Variants in CACNG3 observed in about 807,000 individuals in gnomAD.
CACNG3 encodes the protein voltage-dependent calcium channel gamma-3 subunit.
A neutral mutation model predicts 28.5 loss-of-function variants in CACNG3; 3 were observed. That is an observed-to-expected ratio of 0.11 (90% CI 0.05 to 0.27). The LOEUF (loss-of-function observed/expected upper bound fraction) is 0.27. Ranked by LOEUF, CACNG3 falls within the 10% of genes least tolerant of loss-of-function variation. The probability of loss-of-function intolerance (pLI) is 1.00; values close to 1 mark genes in which losing one functional copy is unlikely to be tolerated. For synonymous variants in CACNG3, 174 were observed against 162.2 expected, an observed-to-expected ratio of 1.07 and a Z score of -0.55; for missense variants, 236 against 414.4, an observed-to-expected ratio of 0.57 and a Z score of 3.74.
In CACNG3 at chr16:24,274,591, C is replaced by G. The variant is rs145173932; in HGVS notation, c.211+17626C>G. 2.4e-4 allele frequency among the ~76,000 whole-genome samples: 36 copies of G among 152,292 alleles called. No individual in the cohort carries two copies. The East Asian group carries it at 5.2e-3, about 22-fold the overall frequency. ...GAAGACTGAGGCAAAGCCAGTGATG[C>G]AGTTGATGGAGCCCCTACCATGGAA... On this transcript the variant is annotated intron_variant, in intron 1 of 3. Transcript: ENST00000005284.
chr16:24,351,831 C>CTTT lies in CACNG3; in HGVS notation c.296-2983_296-2981dup, dbSNP rs869158970. Reference sequence around the variant, plus strand: ...TCCCTTCCATCTTCTCTCTCTCTCTCTTTTTTTTTTTTTTTTTTTTTGAGA... The same window carrying CTTT: ...TCCCTTCCATCTTCTCTCTCTCTCTCTTTTTTTTTTTTTTTTTTTTTTTTGAGA... On this transcript the variant is annotated intron_variant, in intron 2 of 3. Transcript: ENST00000005284. Among the ~76,000 whole-genome samples, 62 of 85,092 alleles carry CTTT rather than the reference C, an allele frequency of 7.3e-4. 4 individuals carry two copies. The highest frequency in any genetic ancestry group is 2.6e-3 in the African/African-American group (53 of 20,554). The allele number at this position is 85,092 out of a possible 152,430, so 55.8% of individuals were successfully genotyped here.
chr16:24,317,626 G>GA (rs1899383969), intron 1 of CACNG3, among the ~76,000 whole-genome samples: 13 of 46,306 alleles, frequency 2.8e-4, no homozygotes, highest in South Asian at 7.1e-4. Context: ...AAGAAAGAAA[G>GA]ACAGACAGAA....
intron 1 of CACNG3, among the ~76,000 whole-genome samples, chr16:24,274,830 A>C (rs1282467766): frequency 1.3e-5 from 2 of 152,136 alleles, no homozygotes; most frequent in Non-Finnish European, 2.9e-5. Flanking sequence ...GGGACGTTAG[A>C]CTCGTTTTAT....
At chr16:24,355,216 G>C (rs1171287805) in intron 3 of CACNG3, among the ~76,000 whole-genome samples, 2 of 152,198 alleles carry the variant, frequency 1.3e-5, no homozygotes, top group Non-Finnish European at 2.9e-5. Context: ...GATTGAAAGA[G>C]AGAGAGGGAA....
At chr16:24,314,568 CCCAGTTCTGAAAAGAAAAAGATTTATTAA>C (rs1043752235) in intron 1 of CACNG3, among the ~76,000 whole-genome samples, 1 of 152,138 alleles carries the variant, frequency 6.6e-6, no homozygotes, top group African/African-American at 2.4e-5. Flanking sequence ...TGAACCAAAG[CCCAGTTCTGAAAAGAAAAAGATTTATTAA>C]CCATCAAAAT....
chr16:24,351,782 G>C (rs982459228), intron 2 of CACNG3, among the ~76,000 whole-genome samples: 1 of 146,574 alleles, frequency 6.8e-6, no homozygotes, highest in Non-Finnish European at 1.5e-5. Context: ...AGAAAGATTG[G>C]GCAGTTTCAA....
Position 24,309,907 on chromosome 16 carries a change from G to A in CACNG3, c.212-36827G>A, listed in dbSNP as rs563749001. Among the ~76,000 whole-genome samples, 4 of 152,314 alleles carry A rather than the reference G, an allele frequency of 2.6e-5. No individual in the cohort carries two copies. In the East Asian group the frequency reaches 7.7e-4, roughly 29 times the overall value. On this transcript the variant is annotated intron_variant, in intron 1 of 3. Coordinates refer to ENST00000005284, the MANE Select transcript of CACNG3 (RefSeq NM_006539.4). ...GTGGACAAGAGCTGGATCACAGAAG[G>A]TGTCATGCTACATCGCGGGGACTTC...
At chr16:24,345,856 T>C (rs1316836405) in intron 1 of CACNG3, among the ~76,000 whole-genome samples, 1 of 152,192 alleles carries the variant, frequency 6.6e-6, no homozygotes, top group African/African-American at 2.4e-5. Context: ...TGGTCAGATA[T>C]GAACATCATT....
chr16:24,302,730 G>A (rs190718885), intron 1 of CACNG3, among the ~76,000 whole-genome samples: 2 of 152,220 alleles, frequency 1.3e-5, no homozygotes, highest in East Asian at 1.9e-4. Context: ...TGCAATCTCG[G>A]CTCACTGCAA....
intron 3 of CACNG3, among the ~76,000 whole-genome samples, chr16:24,355,196 G>A (rs184179520): frequency 2.0e-5 from 3 of 152,268 alleles, no homozygotes; most frequent in African/African-American, 7.2e-5. Flanking sequence ...AGCATGGCAC[G>A]ATCAGCTGAG....
intron 1 of CACNG3, among the ~76,000 whole-genome samples, chr16:24,295,169 C>T (rs1382924059): frequency 6.6e-6 from 1 of 152,222 alleles, no homozygotes; most frequent in Non-Finnish European, 1.5e-5. Context: ...GTCTCCAGGT[C>T]ACTCTGGGCT....
chr16:24,351,026 G>A (rs1431211940), intron 2 of CACNG3, among the ~76,000 whole-genome samples: 2 of 152,196 alleles, frequency 1.3e-5, no homozygotes, highest in Non-Finnish European at 2.9e-5. Flanking sequence ...GGGAGCTAAA[G>A]GAACCAGGGG....
chr16:24,309,026 T>C (rs2141363641), intron 1 of CACNG3, among the ~76,000 whole-genome samples: 1 of 152,228 alleles, frequency 6.6e-6, no homozygotes, highest in Admixed American at 6.5e-5. Context: ...CATTTTGCAG[T>C]TGTGGAAACT....
At chr16:24,280,623 C>T (rs982965628) in intron 1 of CACNG3, among the ~76,000 whole-genome samples, 1 of 151,874 alleles carries the variant, frequency 6.6e-6, no homozygotes, top group African/African-American at 2.4e-5. Flanking sequence ...CGAGACCAGC[C>T]TGGCCAATAT....
chr16:24,300,371 C>T (rs1454253242), intron 1 of CACNG3, among the ~76,000 whole-genome samples: 1 of 151,970 alleles, frequency 6.6e-6, no homozygotes, highest in African/African-American at 2.4e-5. Flanking sequence ...GGGGTGAGGA[C>T]TCTGGCAAAC....
chr16:24,356,947 A>C (rs760410818), intron 3 of CACNG3, among the ~76,000 whole-genome samples: 4 of 151,106 alleles, frequency 2.6e-5, no homozygotes, highest in Non-Finnish European at 4.4e-5. Flanking sequence ...GTGCAAGAGA[A>C]CTCCCCTTTA....
At chr16:24,274,411 T>C (rs1427570508) in intron 1 of CACNG3, among the ~76,000 whole-genome samples, 1 of 152,168 alleles carries the variant, frequency 6.6e-6, no homozygotes, top group African/African-American at 2.4e-5. Context: ...CTGGCACATG[T>C]AAGTACTAAT....
chr16:24,361,836 G>C lies in CACNG3; in HGVS notation c.921G>C (p.Pro307=), dbSNP rs12928078. Residue 307 remains proline, a synonymous_variant, in exon 4 of 4, where the codon CCG becomes CCC. Transcript: ENST00000005284. This position sits in a 1 kb window ranked among gnomAD's most constrained non-coding sequence, Gnocchi z 6.8. ...TCAAAGAGTCACTGCATAATAATCC[G>C]GCCAACAGGCGCACCACGCCCGTCT... ...KEFKESLHNN[P]ANRRTTPV 1.9e-6 allele frequency: 3 copies of C among 1,610,730 alleles called. No individual in the cohort carries two copies. The highest frequency in any genetic ancestry group is 2.5e-6 in the Non-Finnish European group (3 of 1,179,690).
At chr16:24,313,279 C>T (rs1041311306) in intron 1 of CACNG3, among the ~76,000 whole-genome samples, 15 of 152,056 alleles carry the variant, frequency 9.9e-5, no homozygotes, top group Non-Finnish European at 1.5e-5. Context: ...GAGATAAATC[C>T]TATTATTAGC....
Sources: gnomAD v4.1 joint callset for allele counts (sites outside exome capture counted in the v4.1 genomes callset) on GRCh38, gnomAD v4.1.1 for gene constraint, Gnocchi (gnomAD v3.1) non-coding constraint, MANE v1.5 for transcripts, NCBI Gene and HGNC (gene_info 2026-07-23, HGNC 2026-07-21) for gene names.